ADD3: variants seen among roughly 807,000 people sequenced by gnomAD.
ADD3 encodes gamma-adducin.
ADD3 carries 25 observed loss-of-function variants against 80.2 expected under a neutral mutation model. That is an observed-to-expected ratio of 0.31 (90% confidence interval 0.23 to 0.44). The LOEUF is 0.44. ADD3 is among the 20% of genes least tolerant of loss of function. ADD3 has a pLI of 1.00. For missense variants in ADD3, 829 were observed against 847.5 expected (o/e 0.98, Z 0.27); for synonymous variants, 284 against 289.6 (o/e 0.98, Z 0.20).
At chr10:110,089,199 G>A (rs1041337193) in intron 1 of ADD3, among the ~76,000 whole-genome samples, 1 of 151,916 alleles carries the variant, frequency 6.6e-6, no homozygotes, top group Non-Finnish European at 1.5e-5. Flanking sequence ...TTTTTGCCTA[G>A]AAAGACTACC....
At chr10:110,113,922 C>G (rs903062630) in intron 3 of ADD3, among the ~76,000 whole-genome samples, 2 of 152,128 alleles carry the variant, frequency 1.3e-5, no homozygotes, top group African/African-American at 4.8e-5. Flanking sequence ...AAGTAGTACT[C>G]AAAGCTGTGG....
At chr10:110,117,260 C>T in intron 4 of ADD3, 82 bp from the exon 5 acceptor site, 4 of 658,166 alleles carry the variant, frequency 6.1e-6, no homozygotes, top group South Asian at 2.1e-5. Context: ...TACAATTATT[C>T]ATTGTAAATA....
intron 8 of ADD3, among the ~76,000 whole-genome samples, chr10:110,121,684 T>A (rs1309184467): frequency 7.2e-5 from 11 of 152,254 alleles, no homozygotes; most frequent in Non-Finnish European, 1.3e-4. Context: ...AAAGCTTAAT[T>A]AAATTAAGAT....
At chr10:110,083,600 T>C (rs1037232180) in intron 1 of ADD3, among the ~76,000 whole-genome samples, 4 of 152,182 alleles carry the variant, frequency 2.6e-5, no homozygotes, top group Non-Finnish European at 4.4e-5. Flanking sequence ...GTCATTTCCC[T>C]CTAAACCTAA....
chr10:110,055,243 C>G (rs1453784831), intron 1 of ADD3, among the ~76,000 whole-genome samples: 3 of 152,158 alleles, frequency 2.0e-5, no homozygotes, highest in Non-Finnish European at 4.4e-5. Context: ...CCCGGGTGTT[C>G]TGAATTATGG....
intron 8 of ADD3, among the ~76,000 whole-genome samples, chr10:110,121,135 A>C (rs1031380460): frequency 1.1e-4 from 16 of 152,170 alleles, no homozygotes; most frequent in East Asian, 5.8e-4. Flanking sequence ...GCAACAAAAG[A>C]CAAAATTGAC....
intron 3 of ADD3, among the ~76,000 whole-genome samples, chr10:110,113,183 T>G (rs879445708): frequency 6.6e-6 from 1 of 151,966 alleles, no homozygotes; most frequent in Admixed American, 6.6e-5. Context: ...GAGGCTGAGG[T>G]GGGAGAAATG....
chr10:110,118,687 G>A lies in ADD3; in HGVS notation c.668G>A (p.Arg223His), dbSNP rs1190610955. ...FSPHAAIYST[R>H]PDVKCVIHIH... ...CCCCATGCTGCAATCTATTCAACAC[G>A]TCCTGATGTTAAGTGTGTGATACAC... The change falls in exon 6 of 15, where the codon CGT becomes CAT. Residue 223 changes from arginine (R) to histidine (H), a missense_variant. Coordinates refer to ENST00000356080, the MANE Select transcript of ADD3 (RefSeq NM_016824.5). The A allele has an allele frequency of 6.2e-7, 1 of 1,614,062 alleles. No homozygotes were observed. The highest frequency in any genetic ancestry group is 1.3e-5 in the African/African-American group (1 of 75,024).
chr10:110,065,336 T>G (rs989093611), intron 1 of ADD3, among the ~76,000 whole-genome samples: 3 of 151,982 alleles, frequency 2.0e-5, no homozygotes, highest in Admixed American at 6.6e-5. Flanking sequence ...GGTTTAATTG[T>G]CAGTCCTTTG....
intron 1 of ADD3, among the ~76,000 whole-genome samples, chr10:109,999,065 C>T (rs1851433670): frequency 6.6e-6 from 1 of 151,942 alleles, no homozygotes; most frequent in Non-Finnish European, 1.5e-5. Context: ...AATACTGTTG[C>T]CTTAATGAGT....
chr10:110,037,796 G>A (rs1488983751), intron 1 of ADD3, among the ~76,000 whole-genome samples: 3 of 151,312 alleles, frequency 2.0e-5, no homozygotes, highest in Non-Finnish European at 4.4e-5. Flanking sequence ...GCTGGGCGCT[G>A]TGGCTCAAGC....
chr10:110,109,315 G>A (rs1207089420), intron 2 of ADD3, among the ~76,000 whole-genome samples: 1 of 151,920 alleles, frequency 6.6e-6, no homozygotes, highest in Non-Finnish European at 1.5e-5. Context: ...GATAAAATTT[G>A]TCCCATCTCT....
intron 1 of ADD3, among the ~76,000 whole-genome samples, chr10:110,057,870 G>A (rs1262828057): frequency 2.0e-5 from 3 of 152,218 alleles, no homozygotes; most frequent in African/African-American, 7.2e-5. Context: ...TGATAAGTTA[G>A]TGATGAAGTA....
chr10:110,026,977 C>T (rs1854390705), intron 1 of ADD3, among the ~76,000 whole-genome samples: 1 of 152,076 alleles, frequency 6.6e-6, no homozygotes, highest in Admixed American at 6.6e-5. Context: ...TCATCAGATG[C>T]TAACTATACC....
intron 1 of ADD3, among the ~76,000 whole-genome samples, chr10:110,025,670 G>A (rs997777386): frequency 6.6e-6 from 1 of 152,188 alleles, no homozygotes; most frequent in East Asian, 1.9e-4. Flanking sequence ...ATTAAAGGAA[G>A]TTCCGTGTTT....
chr10:110,074,506 A>T (rs1486484405), intron 1 of ADD3, among the ~76,000 whole-genome samples: 1 of 151,786 alleles, frequency 6.6e-6, no homozygotes, highest in African/African-American at 2.4e-5. Flanking sequence ...GCTGACGTTG[A>T]TTGGAGGGCA....
At chr10:110,113,230 A>C (rs541535349) in intron 3 of ADD3, among the ~76,000 whole-genome samples, 2 of 152,154 alleles carry the variant, frequency 1.3e-5, no homozygotes, top group East Asian at 3.9e-4. Context: ...CTAGCAAACA[A>C]AGTGAAAACC....
intron 12 of ADD3, among the ~76,000 whole-genome samples, chr10:110,128,288 T>C (rs2134210866): frequency 6.6e-6 from 1 of 152,096 alleles, no homozygotes; most frequent in Middle Eastern, 3.4e-3. Context: ...TTGGGCCTCT[T>C]TGAGCCTCTG....
At chr10:110,037,411 C>G (rs1188629866) in intron 1 of ADD3, among the ~76,000 whole-genome samples, 2 of 151,892 alleles carry the variant, frequency 1.3e-5, no homozygotes, top group Non-Finnish European at 2.9e-5. Flanking sequence ...TTGAGACCAG[C>G]CTGGCCAACA....
Sources: gnomAD v4.1 joint callset for allele counts (sites outside exome capture counted in the v4.1 genomes callset) on GRCh38, gnomAD v4.1.1 for gene constraint, MANE v1.5 for transcripts, NCBI Gene and HGNC (gene_info 2026-07-23, HGNC 2026-07-21) for gene names.